RASSF10: variants seen among roughly 807,000 people sequenced by gnomAD.
RASSF10 encodes ras association domain-containing protein 10.
RASSF10 carries 22 observed loss-of-function variants against 41.5 expected under a neutral mutation model. That is an observed-to-expected ratio of 0.53 (90% confidence interval 0.38 to 0.76). The LOEUF is 0.76. Among genes scored for constraint, RASSF10 ranks in the 30% least tolerant of loss-of-function variants. The pLI is 0.00. For synonymous variants in RASSF10, 364 were observed against 319.0 expected, an observed-to-expected ratio of 1.14 and a Z score of -1.50; for missense variants, 776 against 711.8, an observed-to-expected ratio of 1.09 and a Z score of -1.03.
At position 13,010,807 on chromosome 11, in the gene RASSF10, G is replaced by A. The variant is rs1047597762; in HGVS notation, c.1231G>A (p.Val411Ile). The change falls in exon 1 of 1, where the codon GTC becomes ATC. Residue 411 changes from valine (V) to isoleucine (I), a missense_variant. Transcript: ENST00000529419. The surrounding 1 kb of genome is among the most constrained non-coding windows in gnomAD (Gnocchi z 4.8). The stretch of plus-strand genomic sequence containing the variant: ...GCGGCTCAACACGGACCTAGAGGCC[G>A]TCAAGTCGGACTTGGATTACAGCCA... ...GLRLNTDLEA[V>I]KSDLDYSQQQ... 48 of 1,613,380 alleles carry A rather than the reference G, an allele frequency of 3.0e-5. No homozygotes were observed. The highest frequency in any genetic ancestry group is 4.1e-5 in the Non-Finnish European group (48 of 1,179,650).
chr11:13,011,625 T>C lies in RASSF10; in HGVS notation c.*525T>C, dbSNP rs1220900912. 6.6e-6 allele frequency: 1 copy of C among 152,662 alleles called. No individual in the cohort carries two copies. The highest frequency in any genetic ancestry group is 1.5e-5 in the Non-Finnish European group (1 of 68,402). 9.5% of individuals were successfully genotyped at this position (152,662 alleles called of 1,614,324 possible). ...TTTCTTACCTCTTTGATAAAACCCA[T>C]AGGCACCAAAATCCTGGCTGTTTAC... On this transcript the variant is annotated 3_prime_UTR_variant, in exon 1 of 1. Coordinates refer to ENST00000529419, the MANE Select transcript of RASSF10 (RefSeq NM_001080521.3).
chr11:13,009,881 G>A lies in RASSF10; in HGVS notation c.305G>A (p.Arg102His). 1 of 1,604,470 alleles carries A rather than the reference G, an allele frequency of 6.2e-7. No individual in the cohort carries two copies. The highest frequency in any genetic ancestry group is 1.1e-5 in the South Asian group (1 of 89,566). The change falls in exon 1 of 1, where the codon CGC becomes CAC. Residue 102 changes from arginine (R) to histidine (H), a missense_variant. Coordinates refer to ENST00000529419, the MANE Select transcript of RASSF10 (RefSeq NM_001080521.3). ...GTGGAGAAGTGGCGCGGCTTTGAGC[G>A]CATCCTCCCCAACAAGACGCGCATC... ...CIVEKWRGFE[R>H]ILPNKTRILR... is the part of the protein sequence containing the mutation.
chr11:13,009,920 C>T lies in RASSF10; in HGVS notation c.344C>T (p.Ala115Val). Residue 115 changes from alanine to valine, a missense_variant, in exon 1 of 1, where the codon GCT becomes GTT. Physicochemically the swap from Ala to Val is moderately conservative, Grantham distance 64 (BLOSUM62 0). Transcript: ENST00000529419. The part of the protein sequence containing the change: ...PNKTRILRLW[A>V]AWGEEQENVR... ...AAGACGCGCATCTTGCGCCTCTGGG[C>T]TGCCTGGGGCGAAGAGCAAGAGAAT... is the stretch of plus-strand genomic sequence containing the variant. The T allele has an allele frequency of 6.3e-7, 1 of 1,598,072 alleles. No homozygotes were observed. Among genetic ancestry groups the T allele is most frequent in the African/African-American group, 1.3e-5 (1 of 74,816 alleles).
Position 13,010,466 on chromosome 11 carries a change from TGGCGGCGGA to T in RASSF10, c.896_904del (p.Ala299_Ala301del), listed in dbSNP as rs749443161. On this transcript the variant is annotated inframe_deletion, in exon 1 of 1. Transcript: ENST00000529419. The surrounding 1 kb of genome is among the most constrained non-coding windows in gnomAD (Gnocchi z 4.8). The stretch of plus-strand genomic sequence containing the variant: ...AGACCGGGAGAGGAGCCAGAAGAGG[TGGCGGCGGA>T]GGCGGAGGAGGCGGCGGCGGCGCCC... 15 of 1,527,640 alleles carry T rather than the reference TGGCGGCGGA, an allele frequency of 9.8e-6. No individual in the cohort carries two copies. The African/African-American group carries it at 1.9e-4, about 20-fold the overall frequency. The allele number at this position is 1,527,640 out of a possible 1,614,324, so 94.6% of individuals were successfully genotyped here. A position where few individuals can be genotyped will look rare whatever the true frequency, so the allele number is the denominator to read the frequency against.
chr11:13,010,567 C>T lies in RASSF10; in HGVS notation c.991C>T (p.Arg331Trp), dbSNP rs763256176. The T allele has an allele frequency of 2.6e-6, 4 of 1,550,834 alleles. No individual in the cohort carries two copies. Among genetic ancestry groups the T allele is most frequent in the Middle Eastern group, 1.7e-4 (1 of 5,718 alleles). ...GGCCCGGCGCTGCGACGACTTGCTG[C>T]GGCTTCAGGAGCAACGGGTTCAGCA... ...ELARRCDDLL[R>W]LQEQRVQQEE... is the part of the protein sequence containing the mutation. Residue 331 changes from arginine to tryptophan, a missense_variant, in exon 1 of 1, where the codon CGG (arginine) becomes TGG (tryptophan). By Grantham distance (101) the Arg-to-Trp change is moderately radical (BLOSUM62 -3). Transcript: ENST00000529419. The surrounding 1 kb of genome is among the most constrained non-coding windows in gnomAD (Gnocchi z 4.8).
At position 13,009,494 on chromosome 11, in the gene RASSF10, C is replaced by A; in HGVS notation, c.-83C>A. ...AGGGGGGCACGGGCTCCTCTCCCAT[C>A]CCAGAGCTACTGGGCTGCCCTTGCT... On this transcript the variant is annotated 5_prime_UTR_variant, in exon 1 of 1. Transcript: ENST00000529419. 2.6e-6 allele frequency: 4 copies of A among 1,539,136 alleles called. No individual in the cohort carries two copies. The highest frequency in any genetic ancestry group is 3.5e-6 in the Non-Finnish European group (4 of 1,143,716).
Position 13,009,750 on chromosome 11 carries a change from G to A in RASSF10, c.174G>A (p.Pro58=). The change falls in exon 1 of 1, where the codon CCG becomes CCA. Residue 58 remains proline (P), a synonymous_variant. Coordinates refer to ENST00000529419, the MANE Select transcript of RASSF10 (RefSeq NM_001080521.3). ...RSRRLGSAGD[P]HGPGELPEPP... is the part of the protein sequence containing the mutation. ...GGCGGCTGGGGTCGGCCGGCGACCCGCATGGCCCGGGAGAGCTGCCCGAAC... is the reference window on the plus strand; with the variant it reads ...GGCGGCTGGGGTCGGCCGGCGACCCACATGGCCCGGGAGAGCTGCCCGAAC... 1 of 1,587,442 alleles carries A rather than the reference G, an allele frequency of 6.3e-7. No homozygotes were observed.
rs1949557414 is a variant in RASSF10, at chr11:13,009,679, C to A, written c.103C>A (p.Leu35Ile). The A allele has an allele frequency of 6.2e-7, 1 of 1,602,440 alleles. No individual in the cohort carries two copies. Among genetic ancestry groups the A allele is most frequent in the East Asian group, 2.2e-5 (1 of 44,466 alleles). The change falls in exon 1 of 1, where the codon CTT (leucine) becomes ATT (isoleucine). Residue 35 changes from leucine to isoleucine, a missense_variant. Leu to Ile is a conservative substitution (Grantham distance 5, BLOSUM62 2). Coordinates refer to ENST00000529419, the MANE Select transcript of RASSF10 (RefSeq NM_001080521.3). ...CACTTGCTCCGACGTTGTGCGAGTGCTTTTGGAGGACGGCTGCCGGCGGCG... is the reference window on the plus strand; with the variant it reads ...CACTTGCTCCGACGTTGTGCGAGTGATTTTGGAGGACGGCTGCCGGCGGCG... Reference protein sequence around the residue: ...RTTCSDVVRVLLEDGCRRRRR... With the variant: ...RTTCSDVVRVILEDGCRRRRR...
Position 13,010,515 on chromosome 11 carries a change from G to A in RASSF10, c.939G>A (p.Glu313=). 1 of 1,515,960 alleles carries A rather than the reference G, an allele frequency of 6.6e-7. No individual in the cohort carries two copies. The highest frequency in any genetic ancestry group is 8.8e-7 in the Non-Finnish European group (1 of 1,131,900). The allele number at this position is 1,515,960 out of a possible 1,614,324, so 93.9% of individuals were successfully genotyped here. A position where few individuals can be genotyped will look rare whatever the true frequency, so the allele number is the denominator to read the frequency against. ...CGGCGGCGCCCCCTCTAGCCGGCGA[G>A]GCGCAGGCGGCGGCGCTGGAGGAGC... is the stretch of plus-strand genomic sequence containing the variant. The part of the protein sequence containing the change: ...EAAAAPPLAG[E]AQAAALEELA... Residue 313 remains glutamate (E), a synonymous_variant, in exon 1 of 1, where the codon GAG becomes GAA. Transcript: ENST00000529419. This position sits in a 1 kb window ranked among gnomAD's most constrained non-coding sequence, Gnocchi z 4.8.
At position 13,010,961 on chromosome 11, in the gene RASSF10, C is replaced by T. The variant is rs767018289; in HGVS notation, c.1385C>T (p.Ala462Val). ...GSPSREPGPQ[A>V]CADMWVDQAR... ...CCCTCGCGGGAACCTGGGCCTCAAGCCTGCGCCGACATGTGGGTGGACCAG... is the reference window on the plus strand; with the variant it reads ...CCCTCGCGGGAACCTGGGCCTCAAGTCTGCGCCGACATGTGGGTGGACCAG... The change falls in exon 1 of 1, where the codon GCC (alanine) becomes GTC (valine). Residue 462 changes from alanine to valine, a missense_variant. Coordinates refer to ENST00000529419, the MANE Select transcript of RASSF10 (RefSeq NM_001080521.3). The surrounding 1 kb of genome is among the most constrained non-coding windows in gnomAD (Gnocchi z 4.8). 5 of 1,613,752 alleles carry T rather than the reference C, an allele frequency of 3.1e-6. No individual in the cohort carries two copies. Among genetic ancestry groups the T allele is most frequent in the Non-Finnish European group, 4.2e-6 (5 of 1,179,878 alleles).
In RASSF10 at chr11:13,010,424, T is replaced by A. The variant is rs1949568378; in HGVS notation, c.848T>A (p.Ile283Asn). The change falls in exon 1 of 1, where the codon ATC (isoleucine) becomes AAC (asparagine). Residue 283 changes from isoleucine to asparagine, a missense_variant. Physicochemically the swap from Ile to Asn is moderately radical, Grantham distance 149. Coordinates refer to ENST00000529419, the MANE Select transcript of RASSF10 (RefSeq NM_001080521.3). This position sits in a 1 kb window ranked among gnomAD's most constrained non-coding sequence, Gnocchi z 4.8. ...VQDTYLVGAG[I>N]ELDGSRPGEE... Reference sequence around the variant, plus strand: ...GACACTTACTTGGTTGGGGCAGGCATCGAGCTCGACGGGTCCAGACCGGGA... The same window carrying A: ...GACACTTACTTGGTTGGGGCAGGCAACGAGCTCGACGGGTCCAGACCGGGA... The A allele has an allele frequency of 6.5e-7, 1 of 1,546,688 alleles. No individual in the cohort carries two copies. Among genetic ancestry groups the A allele is most frequent in the South Asian group, 1.2e-5 (1 of 83,758 alleles).
rs1399892932 is a variant in RASSF10 at position 13,009,388 on chromosome 11, C to T, written c.-189C>T. ...GCCCGTCGTCCGGGCAGAGCGCAGC[C>T]GCAACCGCGACCACAGCCGCAGTCG... is the stretch of plus-strand genomic sequence containing the variant. On this transcript the variant is annotated 5_prime_UTR_variant, in exon 1 of 1. Transcript: ENST00000529419. The T allele has an allele frequency of 1.5e-6, 2 of 1,359,784 alleles. No homozygotes were observed. Among genetic ancestry groups the T allele is most frequent in the East Asian group, 2.5e-5 (1 of 40,696 alleles). 84.2% of individuals were successfully genotyped at this position (1,359,784 alleles called of 1,614,324 possible).
Position 13,010,631 on chromosome 11 carries a change from A to G in RASSF10, c.1055A>G (p.Glu352Gly), listed in dbSNP as rs779615098. The G allele has an allele frequency of 1.9e-6, 3 of 1,591,420 alleles. No individual in the cohort carries two copies. Among genetic ancestry groups the G allele is most frequent in the South Asian group, 2.3e-5 (2 of 87,394 alleles). ...LLERLSAEIQ[E>G]ELNQRWMRRR... ...GAGCGCCTTTCAGCCGAGATTCAGG[A>G]GGAACTCAACCAGAGGTGGATGCGA... Residue 352 changes from glutamate to glycine, a missense_variant, in exon 1 of 1, where the codon GAG becomes GGG. By Grantham distance (98) the Glu-to-Gly change is moderately conservative. Coordinates refer to ENST00000529419, the MANE Select transcript of RASSF10 (RefSeq NM_001080521.3). The surrounding 1 kb of genome is among the most constrained non-coding windows in gnomAD (Gnocchi z 4.8).
In RASSF10 at chr11:13,011,279, G is replaced by A; in HGVS notation, c.*179G>A. 1.7e-6 allele frequency: 1 copy of A among 590,858 alleles called. No homozygotes were observed. The highest frequency in any genetic ancestry group is 2.8e-5 in the East Asian group (1 of 35,976). 36.6% of individuals were successfully genotyped at this position (590,858 alleles called of 1,614,324 possible). The stretch of plus-strand genomic sequence containing the variant: ...GGCTCCGGGGTGAGTGCAGAGCAGG[G>A]TGAGGGTAGAAGAAGTAGGATCCTC... On this transcript the variant is annotated 3_prime_UTR_variant, in exon 1 of 1. Transcript: ENST00000529419.
Position 13,009,827 on chromosome 11 carries a change from T to A in RASSF10, c.251T>A (p.Leu84Gln), listed in dbSNP as rs201791614. The A allele has an allele frequency of 1.1e-4, 180 of 1,607,134 alleles. No individual in the cohort carries two copies. The highest frequency in any genetic ancestry group is 1.4e-5 in the Non-Finnish European group (16 of 1,177,754). Residue 84 changes from leucine (L) to glutamine (Q), a missense_variant, in exon 1 of 1, where the codon CTG becomes CAG. Coordinates refer to ENST00000529419, the MANE Select transcript of RASSF10 (RefSeq NM_001080521.3). The stretch of plus-strand genomic sequence containing the variant: ...GACGAGGCGCTGCCGCAGGGCATGC[T>A]GTGCGGGCCCCCGCAGTGCTATTGC... ...DDDEALPQGM[L>Q]CGPPQCYCIV...
Position 13,010,060 on chromosome 11 carries a change from G to A in RASSF10, c.484G>A (p.Ala162Thr). The change falls in exon 1 of 1, where the codon GCG becomes ACG. Residue 162 changes from alanine (A) to threonine (T), a missense_variant. Ala to Thr is a moderately conservative substitution (Grantham distance 58, BLOSUM62 0). Transcript: ENST00000529419. The surrounding 1 kb of genome is among the most constrained non-coding windows in gnomAD (Gnocchi z 4.8). The stretch of plus-strand genomic sequence containing the variant: ...CCCCTGTCCGGCCCGCGGGGCCCCG[G>A]CGCGGCCCAGCCTGGCCATGACCCA... ...ERPCPARGAP[A>T]RPSLAMTQEK... is the part of the protein sequence containing the mutation. The A allele has an allele frequency of 6.5e-7, 1 of 1,546,442 alleles. No homozygotes were observed.
Position 13,011,173 on chromosome 11 carries a change from G to C in RASSF10, c.*73G>C, listed in dbSNP as rs1361498989. 8.1e-7 allele frequency: 1 copy of C among 1,229,638 alleles called. No homozygotes were observed. Among genetic ancestry groups the C allele is most frequent in the African/African-American group, 1.5e-5 (1 of 65,952 alleles). The allele number at this position is 1,229,638 out of a possible 1,614,324, so 76.2% of individuals were successfully genotyped here. A position where few individuals can be genotyped will look rare whatever the true frequency, so the allele number is the denominator to read the frequency against. On this transcript the variant is annotated 3_prime_UTR_variant, in exon 1 of 1. Coordinates refer to ENST00000529419, the MANE Select transcript of RASSF10 (RefSeq NM_001080521.3). ...CTTGCAGAATGCAGTGGGCCAGCCGGCTCGCGGACTTGAAACCAGGCTGTT... is the reference window on the plus strand; with the variant it reads ...CTTGCAGAATGCAGTGGGCCAGCCGCCTCGCGGACTTGAAACCAGGCTGTT...
chr11:13,010,048 C>G lies in RASSF10; in HGVS notation c.472C>G (p.Arg158Gly), dbSNP rs1476947535. The change falls in exon 1 of 1, where the codon CGC becomes GGC. Residue 158 changes from arginine (R) to glycine (G), a missense_variant. Coordinates refer to ENST00000529419, the MANE Select transcript of RASSF10 (RefSeq NM_001080521.3). The surrounding 1 kb of genome is among the most constrained non-coding windows in gnomAD (Gnocchi z 4.8). The stretch of plus-strand genomic sequence containing the variant: ...GAGCCGAGAGCGCCCCTGTCCGGCC[C>G]GCGGGGCCCCGGCGCGGCCCAGCCT... ...VLSRERPCPA[R>G]GAPARPSLAM... The G allele has an allele frequency of 1.9e-6, 3 of 1,545,008 alleles. No homozygotes were observed. The highest frequency in any genetic ancestry group is 2.6e-6 in the Non-Finnish European group (3 of 1,143,858).
Position 13,009,581 on chromosome 11 carries a change from A to G in RASSF10, c.5A>G (p.Asp2Gly). 6.2e-7 allele frequency: 1 copy of G among 1,608,430 alleles called. No individual in the cohort carries two copies. The highest frequency in any genetic ancestry group is 8.5e-7 in the Non-Finnish European group (1 of 1,176,678). The stretch of plus-strand genomic sequence containing the variant: ...CACCTGCGCCCTGGTTGCGCCATGG[A>G]TCCTTCGGAAAAGAAGATATCGGTG... M[D>G]PSEKKISVWI... Residue 2 changes from aspartate (D) to glycine (G), a missense_variant, in exon 1 of 1, where the codon GAT becomes GGT. Asp to Gly is a moderately conservative substitution (Grantham distance 94). Transcript: ENST00000529419.
Sources: gnomAD v4.1 joint callset for allele counts on GRCh38, gnomAD v4.1.1 for gene constraint, Gnocchi (gnomAD v3.1) non-coding constraint, MANE v1.5 for transcripts, NCBI Gene and HGNC (gene_info 2026-07-23, HGNC 2026-07-21) for gene names.